KLHL29: variants seen among roughly 807,000 people sequenced by gnomAD.
KLHL29 encodes the protein kelch-like protein 29.
Under a neutral mutation model 80.4 loss-of-function variants are expected in KLHL29, and 21 were observed. That is an observed-to-expected ratio of 0.26 (90% confidence interval 0.19 to 0.38). The LOEUF (loss-of-function observed/expected upper bound fraction) is 0.38. KLHL29 is among the 10% of genes least tolerant of loss of function. The pLI is 1.00. For missense variants in KLHL29, 867 were observed against 1,223.9 expected, an observed-to-expected ratio of 0.71 and a Z score of 4.35; for synonymous variants, 511 against 526.8, an observed-to-expected ratio of 0.97 and a Z score of 0.41.
chr2:23,691,296 A>C, intron 6 of KLHL29: 1 of 272,710 alleles, frequency 3.7e-6, no homozygotes, highest in Admixed American at 5.1e-5. Flanking sequence ...CAAGGCAGGC[A>C]GGGCCGGGCT....
intron 3 of KLHL29, among the ~76,000 whole-genome samples, chr2:23,612,447 T>C (rs751954843): frequency 5.9e-5 from 9 of 152,168 alleles, no homozygotes; most frequent in Non-Finnish European, 8.8e-5. Flanking sequence ...TGAAATAATT[T>C]GTCACCAGAA....
chr2:23,515,978 A>G (rs1032657001), intron 2 of KLHL29, among the ~76,000 whole-genome samples: 14 of 152,218 alleles, frequency 9.2e-5, no homozygotes, highest in African/African-American at 3.4e-4. Context: ...AAAAAGATAA[A>G]TGAATCAATT....
At chr2:23,516,661 C>T (rs1709298) in intron 2 of KLHL29, among the ~76,000 whole-genome samples, 24,332 of 152,172 alleles carry the variant, frequency 0.16, 2,671 homozygotes, top group East Asian at 0.56. Flanking sequence ...CAGCTGACTT[C>T]TTGGCAGACT....
chr2:23,472,188 A>T (rs1175497408), intron 1 of KLHL29, among the ~76,000 whole-genome samples: 25 of 152,176 alleles, frequency 1.6e-4, no homozygotes, highest in Admixed American at 1.6e-3. Context: ...AAATAAAATC[A>T]CTGAGGCATA....
chr2:23,584,286 G>A (rs1002286462), intron 3 of KLHL29, among the ~76,000 whole-genome samples: 2 of 152,164 alleles, frequency 1.3e-5, no homozygotes, highest in African/African-American at 2.4e-5. Flanking sequence ...CGGGGCAGGC[G>A]GCGGTGCTGC....
At chr2:23,519,303 C>CA (rs1308763768) in intron 2 of KLHL29, among the ~76,000 whole-genome samples, 1 of 152,168 alleles carries the variant, frequency 6.6e-6, no homozygotes, top group Non-Finnish European at 1.5e-5. Flanking sequence ...GGCAATACCC[C>CA]AGGGTCCCAG....
rs1404395980 is a variant in KLHL29, at chr2:23,703,735, C to A, written c.2316C>A (p.Pro772=). 6.5e-7 allele frequency: 1 copy of A among 1,536,754 alleles called. No individual in the cohort carries two copies. The highest frequency in any genetic ancestry group is 8.7e-7 in the Non-Finnish European group (1 of 1,146,628). ...TCCTCACAGACAACAAGTATGCCCCCGCTGTCACGCTCAATGGCTTCGTTT... is the reference window on the plus strand; with the variant it reads ...TCCTCACAGACAACAAGTATGCCCCAGCTGTCACGCTCAATGGCTTCGTTT... ...ESPMIDNKYA[P]AVTLNGFVFI... is the part of the protein sequence containing the mutation. The change falls in exon 13 of 14, where the codon CCC becomes CCA. Residue 772 remains proline, a synonymous_variant. Transcript: ENST00000486442.
In KLHL29 at chr2:23,703,785, G is replaced by C; in HGVS notation, c.2366G>C (p.Arg789Thr). ...FVFILGGAYA[R>T]ATTIYDPEKG... ...TTCATCCTGGGCGGGGCTTATGCCAGAGCTACCACCATCTACGACCCTGAG... is the reference window on the plus strand; with the variant it reads ...TTCATCCTGGGCGGGGCTTATGCCACAGCTACCACCATCTACGACCCTGAG... Residue 789 changes from arginine (R) to threonine (T), a missense_variant, in exon 13 of 14, where the codon AGA becomes ACA. By Grantham distance (71) the Arg-to-Thr change is moderately conservative. Transcript: ENST00000486442. The C allele has an allele frequency of 1.3e-6, 2 of 1,537,430 alleles. No individual in the cohort carries two copies. The highest frequency in any genetic ancestry group is 4.9e-5 in the East Asian group (2 of 40,922).
At chr2:23,628,958 G>C (rs1669397205) in intron 3 of KLHL29, among the ~76,000 whole-genome samples, 1 of 152,218 alleles carries the variant, frequency 6.6e-6, no homozygotes, top group African/African-American at 2.4e-5. Flanking sequence ...GCCAGAGCAG[G>C]GGCTGCCCCT....
chr2:23,480,332 A>C (rs1454559474), intron 2 of KLHL29, among the ~76,000 whole-genome samples: 1 of 152,042 alleles, frequency 6.6e-6, no homozygotes, highest in Non-Finnish European at 1.5e-5. Flanking sequence ...ACTATAAATA[A>C]AAAAATTAGC....
intron 3 of KLHL29, among the ~76,000 whole-genome samples, chr2:23,597,295 TC>T (rs139261698): frequency 0.61 from 67,367 of 110,450 alleles, 18,622 homozygotes; most frequent in South Asian, 0.66. Flanking sequence ...TCTCTCTCTC[TC>T]ATATATATAT....
chr2:23,411,379 TTGTGTGTGTGTGTGTG>T (rs56103621), intron 1 of KLHL29, among the ~76,000 whole-genome samples: 21 of 109,024 alleles, frequency 1.9e-4, no homozygotes, highest in South Asian at 1.3e-3. Flanking sequence ...GTTGCAAAAA[TTGTGTGTGTGTGTGTG>T]TGTGTGTGTG....
intron 3 of KLHL29, among the ~76,000 whole-genome samples, chr2:23,610,768 C>A (rs182073707): frequency 6.6e-6 from 1 of 152,246 alleles, no homozygotes; most frequent in South Asian, 2.1e-4. Context: ...GGGCCCAGAT[C>A]ACCTTCCATT....
At chr2:23,594,350 G>A (rs1041526172) in intron 3 of KLHL29, among the ~76,000 whole-genome samples, 2 of 151,992 alleles carry the variant, frequency 1.3e-5, no homozygotes, top group Non-Finnish European at 1.5e-5. Context: ...CTTCCTGCCC[G>A]GCTCCTCCGG....
chr2:23,604,387 G>A (rs998051963), intron 3 of KLHL29, among the ~76,000 whole-genome samples: 5 of 152,272 alleles, frequency 3.3e-5, no homozygotes, highest in Middle Eastern at 3.4e-3. Context: ...GAGCCACTGC[G>A]CCCGGCCTGG....
rs375568496 is a variant in KLHL29, at chr2:23,619,946, G to A, written c.286-19193G>A. Among the ~76,000 whole-genome samples the A allele has an allele frequency of 1.5e-3, 223 of 152,316 alleles. 8 individuals are homozygous for A. The South Asian group carries it at 0.044, about 30-fold the overall frequency. On this transcript the variant is annotated intron_variant, in intron 3 of 13. Transcript: ENST00000486442. ...AGCAAATAGGACTTAGAGTCCAGTA[G>A]CTCATACAGGCTCCAGGGTTTCCTG... is the stretch of plus-strand genomic sequence containing the variant.
intron 2 of KLHL29, among the ~76,000 whole-genome samples, chr2:23,540,152 G>C (rs1187403866): frequency 6.6e-6 from 1 of 152,136 alleles, no homozygotes; most frequent in Non-Finnish European, 1.5e-5. Context: ...TCTGTGTCCA[G>C]GCTCCCGTCC....
intron 2 of KLHL29, among the ~76,000 whole-genome samples, chr2:23,525,407 C>T (rs919010250): frequency 2.0e-5 from 3 of 152,230 alleles, no homozygotes; most frequent in Non-Finnish European, 4.4e-5. Context: ...TGTTCAATGC[C>T]GTCAGTGCCT....
At chr2:23,504,848 C>T (rs779632552) in intron 2 of KLHL29, among the ~76,000 whole-genome samples, 1 of 152,206 alleles carries the variant, frequency 6.6e-6, no homozygotes, top group Non-Finnish European at 1.5e-5. Flanking sequence ...CCATTCTGGC[C>T]GTTGAATGTG....
Sources: gnomAD v4.1 joint callset for allele counts (sites outside exome capture counted in the v4.1 genomes callset) on GRCh38, gnomAD v4.1.1 for gene constraint, MANE v1.5 for transcripts, NCBI Gene and HGNC (gene_info 2026-07-23, HGNC 2026-07-21) for gene names.